The following RNF157 variants were observed in gnomAD, a reference collection of about 807,000 sequenced individuals.
RNF157 encodes E3 ubiquitin ligase RNF157.
Under a neutral mutation model 88.3 loss-of-function variants are expected in RNF157, and 55 were observed. The observed-to-expected ratio is 0.62, with a 90% confidence interval of 0.50 to 0.78. The LOEUF is 0.78. Ranked by LOEUF, RNF157 falls within the 30% of genes least tolerant of loss-of-function variation. The pLI is 0.00. For synonymous variants in RNF157, 334 were observed against 341.2 expected, an observed-to-expected ratio of 0.98 and a Z score of 0.23; for missense variants, 788 against 860.8, an observed-to-expected ratio of 0.92 and a Z score of 1.06.
In RNF157 at chr17:76,225,737, T is replaced by C. The variant is rs949045363; in HGVS notation, c.89-13255A>G. The C allele has an allele frequency of 5.3e-6, 8 of 1,517,690 alleles. No individual in the cohort carries two copies. The African/African-American group carries it at 8.4e-5, about 16-fold the overall frequency. The allele number at this position is 1,517,690 out of a possible 1,614,324, so 94.0% of individuals were successfully genotyped here. A position where few individuals can be genotyped will look rare whatever the true frequency, so the allele number is the denominator to read the frequency against. ...CTATGTACAAGCACGTTGACACTCC[T>C]GACCTACCCTCAACTAGGGGACCCT... On this transcript the variant is annotated intron_variant, in intron 1 of 18. Coordinates refer to ENST00000269391, the MANE Select transcript of RNF157 (RefSeq NM_052916.3).
In RNF157 at chr17:76,240,203, T is replaced by C; in HGVS notation, c.38A>G (p.Glu13Gly). The C allele has an allele frequency of 7.1e-7, 1 of 1,408,064 alleles. No individual in the cohort carries two copies. The highest frequency in any genetic ancestry group is 2.3e-5 in the Admixed American group (1 of 44,370). 87.2% of individuals were successfully genotyped at this position (1,408,064 alleles called of 1,614,324 possible). The stretch of plus-strand genomic sequence containing the variant: ...GGAATTAGACGGGATGTCCACCTCC[T>C]CCACGCCCGCGTGCTGCCGGCTCGT... Reference protein sequence around the residue: ...ALTSRQHAGVEEVDIPSNSVY... With the variant: ...ALTSRQHAGVGEVDIPSNSVY... The change falls in exon 1 of 19, where the codon GAG becomes GGG. Residue 13 changes from glutamate (E) to glycine (G), a missense_variant. By Grantham distance (98) the Glu-to-Gly change is moderately conservative. Transcript: ENST00000269391. This position sits in a 1 kb window ranked among gnomAD's most constrained non-coding sequence, Gnocchi z 4.4.
chr17:76,226,041 C>A, intron 1 of RNF157: 1 of 1,610,010 alleles, frequency 6.2e-7, no homozygotes, highest in Non-Finnish European at 8.5e-7. Flanking sequence ...TTGGGGTGGG[C>A]AGACCCACAG....
intron 18 of RNF157, among the ~76,000 whole-genome samples, chr17:76,150,466 T>G (rs961139499): frequency 6.6e-6 from 1 of 152,186 alleles, no homozygotes; most frequent in Non-Finnish European, 1.5e-5. Flanking sequence ...CCACTAGCAC[T>G]GTTGGCTAAA....
At chr17:76,177,893 T>C (rs1408869927) in intron 2 of RNF157, among the ~76,000 whole-genome samples, 3 of 152,138 alleles carry the variant, frequency 2.0e-5, no homozygotes, top group Non-Finnish European at 4.4e-5. Flanking sequence ...CAGGATGACC[T>C]TCCTGCGGAA....
At chr17:76,209,755 T>C (rs778665284) in intron 2 of RNF157, among the ~76,000 whole-genome samples, 1 of 152,020 alleles carries the variant, frequency 6.6e-6, no homozygotes, top group Admixed American at 6.6e-5. Context: ...AACGGCTACT[T>C]TCATTTTTGT....
At chr17:76,178,778 T>C (rs1382966435) in intron 2 of RNF157, among the ~76,000 whole-genome samples, 1 of 152,216 alleles carries the variant, frequency 6.6e-6, no homozygotes, top group East Asian at 1.9e-4. Flanking sequence ...GTTGAAAAAC[T>C]TCTCTAAAGT....
intron 2 of RNF157, among the ~76,000 whole-genome samples, chr17:76,185,228 C>CG (rs1568047059): frequency 6.6e-6 from 1 of 152,078 alleles, no homozygotes; most frequent in African/African-American, 2.4e-5. Flanking sequence ...GACTTCCAGG[C>CG]CCCCCCAGAT....
At chr17:76,155,774 G>A (rs972319860) in intron 14 of RNF157, 40 bp from the exon 15 acceptor site, 4 of 1,476,482 alleles carry the variant, frequency 2.7e-6, no homozygotes, top group Non-Finnish European at 3.6e-6. Flanking sequence ...CTGGAGGTCA[G>A]GCAGGGCTTC....
chr17:76,149,894 C>T (rs895624599), intron 18 of RNF157, among the ~76,000 whole-genome samples: 3 of 152,058 alleles, frequency 2.0e-5, no homozygotes, highest in Admixed American at 1.3e-4. Flanking sequence ...ATTAGCCGGG[C>T]GTGGTGGCGG....
chr17:76,229,304 A>C (rs2070148462), intron 1 of RNF157, among the ~76,000 whole-genome samples: 1 of 152,224 alleles, frequency 6.6e-6, no homozygotes, highest in Non-Finnish European at 1.5e-5. Flanking sequence ...GACTTACAAG[A>C]GAGCTGGATT....
chr17:76,190,032 A>C (rs1408155451), intron 2 of RNF157, among the ~76,000 whole-genome samples: 1 of 152,156 alleles, frequency 6.6e-6, no homozygotes, highest in East Asian at 1.9e-4. Flanking sequence ...TCCCAGCCCC[A>C]GTGTTCACAG....
chr17:76,212,682 C>T (rs113666752), intron 1 of RNF157, among the ~76,000 whole-genome samples, 200 bp from the exon 2 acceptor site: 1,889 of 151,632 alleles, frequency 0.012, 45 homozygotes, highest in African/African-American at 0.043. Context: ...GCCAACATGG[C>T]AAAACCCTGT....
intron 18 of RNF157, chr17:76,147,135 C>T: frequency 2.0e-6 from 2 of 985,052 alleles, no homozygotes; most frequent in Non-Finnish European, 2.4e-6. Context: ...TGTTTTTTTT[C>T]ACCTCTAATG....
rs1251386587 is a variant in RNF157 at position 76,145,164 on chromosome 17, A to G, written c.*71T>C. 5.9e-6 allele frequency: 6 copies of G among 1,010,724 alleles called. No homozygotes were observed. The East Asian group carries it at 9.9e-5, about 17-fold the overall frequency. 62.6% of individuals were successfully genotyped at this position (1,010,724 alleles called of 1,614,324 possible). On this transcript the variant is annotated 3_prime_UTR_variant, in exon 19 of 19. Coordinates refer to ENST00000269391, the MANE Select transcript of RNF157 (RefSeq NM_052916.3). ...CTCCAGCATCTTGCTGAGGATGCCC[A>G]GTAGGCAGCAGCTGAGTGAGGATGG... is the stretch of plus-strand genomic sequence containing the variant.
chr17:76,173,429 A>T (rs1176255492), intron 3 of RNF157, among the ~76,000 whole-genome samples: 1 of 152,210 alleles, frequency 6.6e-6, no homozygotes, highest in Non-Finnish European at 1.5e-5. Flanking sequence ...CTTCCCTTTT[A>T]AAAAATATCC....
intron 12 of RNF157, 151 bp downstream of exon 12, chr17:76,159,184 A>G: frequency 1.5e-6 from 1 of 672,528 alleles, no homozygotes; most frequent in Non-Finnish European, 2.6e-6. Flanking sequence ...TCATCTCTTA[A>G]TGGATGGGAT....
chr17:76,203,452 CT>C (rs35848509), intron 2 of RNF157, among the ~76,000 whole-genome samples: 16,581 of 138,306 alleles, frequency 0.12, 1,858 homozygotes, highest in African/African-American at 0.33. Flanking sequence ...AAAGTAAAAA[CT>C]TTTTTTTTTT....
chr17:76,157,114 A>C lies in RNF157; in HGVS notation c.1414-793T>G, dbSNP rs574472373. Among the ~76,000 whole-genome samples the C allele has an allele frequency of 4.0e-3, 610 of 152,086 alleles. 1 individual carries two copies. Among genetic ancestry groups the C allele is most frequent in the African/African-American group, 0.013 (537 of 41,482 alleles). On this transcript the variant is annotated intron_variant, in intron 13 of 18. Coordinates refer to ENST00000269391, the MANE Select transcript of RNF157 (RefSeq NM_052916.3). The surrounding 1 kb of genome is among the most constrained non-coding windows in gnomAD (Gnocchi z 5.6). Reference sequence around the variant, plus strand: ...CCCGAGTAGCTGGGACTACAGGTGCATGCCACCACACCTGGCTAATTTTTT... The same window carrying C: ...CCCGAGTAGCTGGGACTACAGGTGCCTGCCACCACACCTGGCTAATTTTTT...
chr17:76,226,057 A>G, intron 1 of RNF157: 1 of 1,606,518 alleles, frequency 6.2e-7, no homozygotes. Context: ...CACAGAGAAC[A>G]CCTGGAGATG....
Sources: allele counts gnomAD v4.1 joint callset (sites outside exome capture counted in the v4.1 genomes callset), GRCh38; gene constraint gnomAD v4.1.1; non-coding constraint Gnocchi (gnomAD v3.1); transcripts MANE v1.5; gene names NCBI Gene and HGNC (gene_info 2026-07-23, HGNC 2026-07-21).